The following DNAH6 variants were observed in gnomAD, a reference collection of about 807,000 sequenced individuals.
DNAH6 encodes the protein dynein axonemal heavy chain 6.
Under a neutral mutation model 491.4 loss-of-function variants are expected in DNAH6, and 340 were observed. The observed-to-expected ratio is 0.69, with a 90% CI of 0.63 to 0.76. The LOEUF is 0.76. Among genes scored for constraint, DNAH6 ranks in the 30% least tolerant of loss-of-function variants. DNAH6 has a pLI of 0.00. For synonymous variants in DNAH6, 1,603 were observed against 1,686.1 expected (o/e 0.95, Z 1.21); for missense variants, 4,443 against 4,972.2 (o/e 0.89, Z 3.20).
chr2:84,718,877 T>G (rs573316655), intron 59 of DNAH6, among the ~76,000 whole-genome samples: 2 of 152,358 alleles, frequency 1.3e-5, no homozygotes, highest in African/African-American at 4.8e-5. Flanking sequence ...ATAGTTCATT[T>G]TGATATTCCT....
chr2:84,650,318 A>T (rs1475482958), intron 33 of DNAH6, among the ~76,000 whole-genome samples: 2 of 152,080 alleles, frequency 1.3e-5, no homozygotes, highest in Non-Finnish European at 2.9e-5. Context: ...GGTCCCCAAG[A>T]GCTTCTCATT....
chr2:84,511,975 GA>G (rs1558648508), upstream of DNAH6, among the ~76,000 whole-genome samples: 1 of 152,240 alleles, frequency 6.6e-6, no homozygotes, highest in South Asian at 2.1e-4. Context: ...TATGATTGCA[GA>G]ATTTTAAAAT....
At chr2:84,507,463 TG>T in the DNAH6 span, among the ~76,000 whole-genome samples, 1 of 152,228 alleles carries the variant, frequency 6.6e-6, no homozygotes, top group Non-Finnish European at 1.5e-5. Context: ...AAGGAGATTT[TG>T]GGCTGAGACG....
At chr2:84,786,552 G>C (rs1328781943) in intron 67 of DNAH6, among the ~76,000 whole-genome samples, 2 of 152,124 alleles carry the variant, frequency 1.3e-5, no homozygotes, top group African/African-American at 4.8e-5. Context: ...AACAAAAGCA[G>C]CTGAGATGAG....
intron 4 of DNAH6, among the ~76,000 whole-genome samples, chr2:84,536,806 G>A (rs1475390687): frequency 4.6e-5 from 7 of 151,988 alleles, no homozygotes; most frequent in Admixed American, 6.6e-5. Flanking sequence ...GATTAGACAT[G>A]ATGTAGCTAC....
intron 63 of DNAH6, among the ~76,000 whole-genome samples, chr2:84,746,299 G>A (rs1237697474): frequency 6.6e-6 from 1 of 152,154 alleles, no homozygotes; most frequent in African/African-American, 2.4e-5. Flanking sequence ...TGGGCAAAAA[G>A]TGAAGCTCTG....
chr2:84,748,391 A>T (rs980638978), intron 63 of DNAH6, among the ~76,000 whole-genome samples: 1 of 152,236 alleles, frequency 6.6e-6, no homozygotes, highest in Admixed American at 6.5e-5. Flanking sequence ...AAATTAGATT[A>T]TGAAAAATTT....
At chr2:84,544,580 C>A in intron 5 of DNAH6, 80 bp downstream of exon 5, 1 of 795,446 alleles carries the variant, frequency 1.3e-6, no homozygotes, top group Non-Finnish European at 1.9e-6. Flanking sequence ...TTGGTATAGA[C>A]TGTTCTTGAA....
chr2:84,739,914 G>A (rs1362641843), intron 62 of DNAH6, among the ~76,000 whole-genome samples: 1 of 151,974 alleles, frequency 6.6e-6, no homozygotes, highest in Non-Finnish European at 1.5e-5. Context: ...CCATTGCTTG[G>A]GAGCTAGTGG....
At chr2:84,570,717 G>A (rs975075719) in intron 11 of DNAH6, among the ~76,000 whole-genome samples, 3 of 152,164 alleles carry the variant, frequency 2.0e-5, no homozygotes. Flanking sequence ...GCAGGATATG[G>A]GCAGGGCCAA....
intron 60 of DNAH6, among the ~76,000 whole-genome samples, chr2:84,724,938 T>C (rs1319091813): frequency 6.6e-6 from 1 of 152,300 alleles, no homozygotes; most frequent in African/African-American, 2.4e-5. Context: ...ACTCCACCTC[T>C]CAATGGGAGT....
intron 11 of DNAH6, among the ~76,000 whole-genome samples, chr2:84,563,641 T>G (rs1056988912): frequency 6.6e-6 from 1 of 152,224 alleles, no homozygotes; most frequent in African/African-American, 2.4e-5. Context: ...TCTCCCATTA[T>G]GTAGGTTGTG....
rs191208873 is a variant in DNAH6, at chr2:84,537,367, G to T, written c.663-6866G>T. 1.2e-3 allele frequency among the ~76,000 whole-genome samples: 177 copies of T among 152,136 alleles called. 1 individual carries two copies. The highest frequency in any genetic ancestry group is 4.0e-3 in the African/African-American group (167 of 41,534). On this transcript the variant is annotated intron_variant, in intron 4 of 76. Transcript: ENST00000389394. ...GAATGCTGAAATCTATGCTTATGGG[G>T]TTATTGCAAGAGATGCTGGCTCCTG...
At position 84,654,657 on chromosome 2, in the gene DNAH6, T is replaced by C. The variant is rs1690775585; in HGVS notation, c.5635-3T>C. The C allele has an allele frequency of 6.4e-7, 1 of 1,550,682 alleles. No individual in the cohort carries two copies. Among genetic ancestry groups the C allele is most frequent in the Non-Finnish European group, 8.7e-7 (1 of 1,146,214 alleles). On this transcript the variant is annotated splice_polypyrimidine_tract_variant and splice_region_variant and intron_variant, in intron 34 of 76. Transcript: ENST00000389394. ...TTTCCTGTTCAATTTTCTTCAACTT[T>C]AGGTGCAAGATCTGCGGGTTGCCTC... is the stretch of plus-strand genomic sequence containing the variant.
intron 64 of DNAH6, among the ~76,000 whole-genome samples, chr2:84,780,266 T>A (rs1283444012): frequency 6.6e-6 from 1 of 152,230 alleles, no homozygotes; most frequent in Non-Finnish European, 1.5e-5. Flanking sequence ...GTCTCAGGAA[T>A]GCCAGTATGG....
intron 67 of DNAH6, among the ~76,000 whole-genome samples, chr2:84,786,182 T>C (rs990511839): frequency 1.3e-5 from 2 of 152,114 alleles, no homozygotes; most frequent in Admixed American, 6.6e-5. Context: ...TCCCAACATT[T>C]TGGGAGGCCA....
chr2:84,511,407 C>CTAA, the DNAH6 span, among the ~76,000 whole-genome samples: 6 of 152,232 alleles, frequency 3.9e-5, no homozygotes, highest in African/African-American at 1.4e-4. Flanking sequence ...GTGCCGTTTG[C>CTAA]TAAGACTGTT....
chr2:84,687,015 A>G (rs932547770), intron 44 of DNAH6, among the ~76,000 whole-genome samples: 4 of 152,210 alleles, frequency 2.6e-5, no homozygotes, highest in Admixed American at 2.0e-4. Context: ...TGTACTCTAC[A>G]TAGTGAAGCT....
Position 84,662,757 on chromosome 2 carries a change from G to A in DNAH6, c.6084+3588G>A, listed in dbSNP as rs545013615. 2.6e-5 allele frequency among the ~76,000 whole-genome samples: 4 copies of A among 152,312 alleles called. No homozygotes were observed. The South Asian group carries it at 6.2e-4, about 24-fold the overall frequency. On this transcript the variant is annotated intron_variant, in intron 37 of 76. Transcript: ENST00000389394. ...TCTGACAGCTTTGAAGAGAGTAGTG[G>A]TTCTCCCAGCATGGAGTTTTGAGAT...
Sources: allele counts gnomAD v4.1 joint callset (sites outside exome capture counted in the v4.1 genomes callset), GRCh38; gene constraint gnomAD v4.1.1; transcripts MANE v1.5; gene names NCBI Gene and HGNC (gene_info 2026-07-23, HGNC 2026-07-21).